Variants in CTNNA3 observed in about 807,000 individuals in gnomAD.
CTNNA3 encodes catenin alpha 3.
A neutral mutation model predicts 95.7 loss-of-function variants in CTNNA3; 76 were observed. The observed-to-expected ratio is 0.79, with a 90% CI of 0.66 to 0.96. CTNNA3 has a LOEUF of 0.96. CTNNA3 is among the 40% of genes least tolerant of loss of function. The pLI is 0.00. For synonymous variants in CTNNA3, 431 were observed against 374.4 expected (o/e 1.15, Z -1.74); for missense variants, 1,191 against 1,089.8 (o/e 1.09, Z -1.31).
intron 9 of CTNNA3, among the ~76,000 whole-genome samples, chr10:66,753,206 CA>C (rs2132735557): frequency 6.6e-6 from 1 of 152,234 alleles, no homozygotes; most frequent in African/African-American, 2.4e-5. Flanking sequence ...CCCAATAAAT[CA>C]CTATTTTCCT....
chr10:66,641,444 C>G (rs1845513772), intron 9 of CTNNA3, among the ~76,000 whole-genome samples: 1 of 152,098 alleles, frequency 6.6e-6, no homozygotes, highest in Admixed American at 6.5e-5. Flanking sequence ...GTGACTGCTC[C>G]TAACCCACAG....
intron 11 of CTNNA3, among the ~76,000 whole-genome samples, chr10:66,391,971 C>T (rs2092936866): frequency 6.6e-6 from 1 of 151,864 alleles, no homozygotes; most frequent in South Asian, 2.1e-4. Context: ...TGCAGTACTA[C>T]AAAGCTTCTG....
At chr10:67,026,956 T>C (rs550318370) in intron 7 of CTNNA3, among the ~76,000 whole-genome samples, 1 of 152,364 alleles carries the variant, frequency 6.6e-6, no homozygotes, top group South Asian at 2.1e-4. Context: ...TTCTTTATTC[T>C]GTATAAGACA....
At chr10:67,372,482 G>A (rs1282229167) in intron 5 of CTNNA3, among the ~76,000 whole-genome samples, 3 of 152,200 alleles carry the variant, frequency 2.0e-5, no homozygotes, top group Non-Finnish European at 2.9e-5. Context: ...TATGTGAAAA[G>A]ACCAAATCTA....
chr10:67,362,697 A>C (rs1843033563), intron 5 of CTNNA3, among the ~76,000 whole-genome samples: 1 of 152,104 alleles, frequency 6.6e-6, no homozygotes, highest in Non-Finnish European at 1.5e-5. Flanking sequence ...AACTGGAACA[A>C]GAAAAAGATG....
At chr10:67,278,612 G>C (rs542789166) in intron 5 of CTNNA3, among the ~76,000 whole-genome samples, 4 of 152,266 alleles carry the variant, frequency 2.6e-5, no homozygotes, top group African/African-American at 9.6e-5. Context: ...ACTTCAGAGA[G>C]AGAGCAGATT....
chr10:66,621,871 T>C, intron 9 of CTNNA3, 87 bp from the exon 10 acceptor site: 2 of 616,938 alleles, frequency 3.2e-6, no homozygotes, highest in Non-Finnish European at 2.7e-6. Flanking sequence ...CATGTACACA[T>C]TCATCAAGAA....
At chr10:67,701,226 C>T (rs1841036951) in intron 1 of CTNNA3, among the ~76,000 whole-genome samples, 1 of 152,120 alleles carries the variant, frequency 6.6e-6, no homozygotes, top group South Asian at 2.1e-4. Context: ...GGAGACCTTC[C>T]CCAATCTAGC....
chr10:66,233,159 CAAAAAAAAAAAAAAA>C (rs56368191), intron 13 of CTNNA3, among the ~76,000 whole-genome samples: 4 of 60,202 alleles, frequency 6.6e-5, no homozygotes, highest in African/African-American at 1.5e-4. Flanking sequence ...GACTCCACCT[CAAAAAAAAAAAAAAA>C]AAAAAAAAAA....
chr10:66,503,946 A>G (rs1449206584), intron 11 of CTNNA3, among the ~76,000 whole-genome samples: 1 of 152,154 alleles, frequency 6.6e-6, no homozygotes, highest in Non-Finnish European at 1.5e-5. Context: ...TATTAGTTGT[A>G]TATATTTGTG....
At chr10:67,038,258 C>G (rs1235066721) in intron 7 of CTNNA3, among the ~76,000 whole-genome samples, 2 of 151,900 alleles carry the variant, frequency 1.3e-5, no homozygotes, top group Admixed American at 6.6e-5. Flanking sequence ...AAAATCTATC[C>G]TCCTAAAATA....
At chr10:67,725,654 A>G (rs1452706729) in intron 1 of CTNNA3, among the ~76,000 whole-genome samples, 1 of 151,904 alleles carries the variant, frequency 6.6e-6, no homozygotes, top group Admixed American at 6.6e-5. Flanking sequence ...GGGAAAAAAT[A>G]AAGAGATAGG....
At chr10:67,301,323 A>G (rs1840258913) in intron 5 of CTNNA3, among the ~76,000 whole-genome samples, 1 of 152,218 alleles carries the variant, frequency 6.6e-6, no homozygotes, top group South Asian at 2.1e-4. Context: ...CATACCTGTT[A>G]GAATGGTTTT....
intron 10 of CTNNA3, among the ~76,000 whole-genome samples, chr10:66,594,157 C>G (rs141603713): frequency 3.3e-5 from 5 of 152,220 alleles, no homozygotes; most frequent in African/African-American, 1.2e-4. Context: ...GCAACACTAT[C>G]CACTGTGATG....
At chr10:67,493,552 A>C (rs1838931014) in intron 5 of CTNNA3, among the ~76,000 whole-genome samples, 1 of 143,840 alleles carries the variant, frequency 7.0e-6, no homozygotes, top group South Asian at 2.2e-4. Flanking sequence ...ACAGAGCGAG[A>C]CTCTGTCTCA....
At chr10:66,186,513 A>G (rs2086352760) in intron 13 of CTNNA3, among the ~76,000 whole-genome samples, 1 of 152,146 alleles carries the variant, frequency 6.6e-6, no homozygotes, top group South Asian at 2.1e-4. Flanking sequence ...GATAATTCCA[A>G]CTGAATTAAA....
At chr10:66,592,598 C>A (rs1305025848) in intron 10 of CTNNA3, among the ~76,000 whole-genome samples, 1 of 152,034 alleles carries the variant, frequency 6.6e-6, no homozygotes, top group Non-Finnish European at 1.5e-5. Context: ...ATAGGCCAGT[C>A]CTCTACAGAG....
chr10:65,981,353 A>C (rs539664719), intron 16 of CTNNA3, among the ~76,000 whole-genome samples: 2 of 152,128 alleles, frequency 1.3e-5, no homozygotes, highest in African/African-American at 4.8e-5. Flanking sequence ...AACAGGCGAC[A>C]GAAACAAATG....
chr10:66,849,211 A>G (rs1843389452), intron 7 of CTNNA3, among the ~76,000 whole-genome samples: 1 of 152,182 alleles, frequency 6.6e-6, no homozygotes. Flanking sequence ...GCTTTGGTGG[A>G]GTCTAGTTGT....
Sources: allele counts gnomAD v4.1 joint callset (sites outside exome capture counted in the v4.1 genomes callset), GRCh38; gene constraint gnomAD v4.1.1; transcripts MANE v1.5; gene names NCBI Gene and HGNC (gene_info 2026-07-23, HGNC 2026-07-21).